Variants in ATF6 observed in about 807,000 individuals in gnomAD.
ATF6 encodes cyclic AMP-dependent transcription factor ATF-6 alpha.
ATF6 carries 53 observed loss-of-function variants against 83.6 expected under a neutral mutation model. The observed-to-expected ratio is 0.63, with a 90% CI of 0.51 to 0.80. The LOEUF is 0.80. Ranked by LOEUF, ATF6 falls within the 30% of genes least tolerant of loss-of-function variation. ATF6 has a pLI of 0.00. For missense variants in ATF6, 744 were observed against 797.9 expected (o/e 0.93, Z 0.81); for synonymous variants, 288 against 285.8 (o/e 1.01, Z -0.08).
intron 15 of ATF6, among the ~76,000 whole-genome samples, chr1:161,937,483 C>G (rs1481908354): frequency 6.6e-6 from 1 of 151,764 alleles, no homozygotes; most frequent in Non-Finnish European, 1.5e-5. Context: ...AATCTCTTCA[C>G]TAATGTAATG....
At position 161,808,467 on chromosome 1, in the gene ATF6, G is replaced by A. The variant is rs188045366; in HGVS notation, c.909+6195G>A. ...ATTGACCTATTTCATAGAAAAGGTA[G>A]CATACTGTACATGTCATCCTGCAAC... On this transcript the variant is annotated intron_variant, in intron 7 of 15. Transcript: ENST00000367942. Among the ~76,000 whole-genome samples the A allele has an allele frequency of 2.5e-3, 382 of 152,234 alleles. 1 individual carries two copies. The highest frequency in any genetic ancestry group is 9.0e-3 in the African/African-American group (375 of 41,538).
At chr1:161,821,456 C>G (rs1403479982) in intron 9 of ATF6, among the ~76,000 whole-genome samples, 2 of 152,002 alleles carry the variant, frequency 1.3e-5, no homozygotes, top group Non-Finnish European at 2.9e-5. Flanking sequence ...GATGGGTACT[C>G]GATACATTTT....
At position 161,947,869 on chromosome 1, in the gene ATF6, G is replaced by A. The variant is rs181939013; in HGVS notation, c.1805-10577G>A. Among the ~76,000 whole-genome samples the A allele has an allele frequency of 4.1e-3, 508 of 124,844 alleles. 3 individuals carry two copies. Among genetic ancestry groups the A allele is most frequent in the Middle Eastern group, 6.2e-3 (1 of 162 alleles). The allele number at this position is 124,844 out of a possible 152,430, so 81.9% of individuals were successfully genotyped here. A position where few individuals can be genotyped will look rare whatever the true frequency, so the allele number is the denominator to read the frequency against. On this transcript the variant is annotated intron_variant, in intron 15 of 15. Transcript: ENST00000367942. Reference sequence around the variant, plus strand: ...GATGGAGTGTTGCTCTTCTTGCCGAGGCTGGAGTGCAATGGCATGATCTCA... The same window carrying A: ...GATGGAGTGTTGCTCTTCTTGCCGAAGCTGGAGTGCAATGGCATGATCTCA...
At chr1:161,815,148 T>C (rs1325065874) in intron 7 of ATF6, among the ~76,000 whole-genome samples, 1 of 151,854 alleles carries the variant, frequency 6.6e-6, no homozygotes, top group Non-Finnish European at 1.5e-5. Flanking sequence ...ACATGAGATA[T>C]TCGAATGTAT....
chr1:161,794,050 G>T (rs1489881687), intron 6 of ATF6, among the ~76,000 whole-genome samples: 1 of 152,090 alleles, frequency 6.6e-6, no homozygotes, highest in Admixed American at 6.6e-5. Flanking sequence ...GGGACTACAG[G>T]CACGTGCCAC....
intron 14 of ATF6, among the ~76,000 whole-genome samples, chr1:161,879,996 T>A (rs920009082): frequency 6.6e-6 from 1 of 152,178 alleles, no homozygotes; most frequent in African/African-American, 2.4e-5. Context: ...ATCTTGGGTA[T>A]CTGCCCTTAT....
intron 15 of ATF6, among the ~76,000 whole-genome samples, chr1:161,956,011 T>G (rs1431893571): frequency 6.6e-6 from 1 of 152,172 alleles, no homozygotes; most frequent in East Asian, 1.9e-4. Context: ...AGCTTTACAT[T>G]TCCCTCAAAG....
chr1:161,830,373 C>T (rs1188666839), intron 9 of ATF6, among the ~76,000 whole-genome samples: 1 of 152,100 alleles, frequency 6.6e-6, no homozygotes, highest in Non-Finnish European at 1.5e-5. Flanking sequence ...CCATACTGCC[C>T]AAGGTAATTT....
At chr1:161,834,761 A>C (rs1260216668) in intron 9 of ATF6, among the ~76,000 whole-genome samples, 1 of 152,156 alleles carries the variant, frequency 6.6e-6, no homozygotes, top group Non-Finnish European at 1.5e-5. Flanking sequence ...TGTACCCTAA[A>C]ACCTAAAGTA....
At chr1:161,893,445 C>T (rs1319959655) in intron 14 of ATF6, among the ~76,000 whole-genome samples, 1 of 152,172 alleles carries the variant, frequency 6.6e-6, no homozygotes, top group African/African-American at 2.4e-5. Context: ...GGATTACAGG[C>T]GTGAGCCACT....
chr1:161,824,639 C>T (rs1196862917), intron 9 of ATF6, among the ~76,000 whole-genome samples: 3 of 152,134 alleles, frequency 2.0e-5, no homozygotes, highest in Non-Finnish European at 2.9e-5. Context: ...TCAATAAATA[C>T]TTGTAGTATG....
chr1:161,905,855 G>A (rs139982634), intron 14 of ATF6, among the ~76,000 whole-genome samples: 2,538 of 151,472 alleles, frequency 0.017, 35 homozygotes, highest in Non-Finnish European at 0.024. Flanking sequence ...TTTTTGAGAC[G>A]GAGTTTCGCC....
At chr1:161,776,483 A>G (rs1684517407) in intron 1 of ATF6, among the ~76,000 whole-genome samples, 1 of 152,140 alleles carries the variant, frequency 6.6e-6, no homozygotes, top group South Asian at 2.1e-4. Context: ...GAAGGTTGGG[A>G]AGGGAAGGAA....
intron 15 of ATF6, among the ~76,000 whole-genome samples, chr1:161,953,767 G>A (rs191209024): frequency 5.5e-4 from 84 of 152,228 alleles, no homozygotes; most frequent in African/African-American, 1.9e-3. Flanking sequence ...CTCACTCAGC[G>A]TTCTTCCCAC....
In ATF6 at chr1:161,896,925, A is replaced by G. The variant is rs143443987; in HGVS notation, c.1720-15371A>G. Among the ~76,000 whole-genome samples the G allele has an allele frequency of 2.6e-5, 4 of 152,308 alleles. No individual in the cohort carries two copies. In the East Asian group the frequency reaches 7.7e-4, roughly 29 times the overall value. ...AGGTCTAGAAGTCAAATCATCTTCC[A>G]TTTCAGGCTAGTGCACTTTTCACTG... On this transcript the variant is annotated intron_variant, in intron 14 of 15. Coordinates refer to ENST00000367942, the MANE Select transcript of ATF6 (RefSeq NM_007348.4).
At chr1:161,888,667 C>G (rs758175828) in intron 14 of ATF6, among the ~76,000 whole-genome samples, 1 of 152,156 alleles carries the variant, frequency 6.6e-6, no homozygotes, top group Non-Finnish European at 1.5e-5. Flanking sequence ...TCTCTTCAAC[C>G]TCATCACCAC....
At chr1:161,846,372 G>C in intron 9 of ATF6, 77 bp from the exon 10 acceptor site, 1 of 1,461,866 alleles carries the variant, frequency 6.8e-7, no homozygotes, top group Non-Finnish European at 9.2e-7. Context: ...ATTGTGGTTT[G>C]TTTCACAGCT....
At chr1:161,801,359 CTTTTTTTTTTT>C (rs1170991022) in intron 6 of ATF6, among the ~76,000 whole-genome samples, 1 of 95,288 alleles carries the variant, frequency 1.0e-5, no homozygotes, top group South Asian at 3.8e-4. Context: ...TATTTGTAGT[CTTTTTTTTTTT>C]TTTTTTTTTT....
At chr1:161,845,805 G>C (rs1323240139) in intron 9 of ATF6, among the ~76,000 whole-genome samples, 2 of 151,188 alleles carry the variant, frequency 1.3e-5, no homozygotes. Flanking sequence ...AGTTAAGTAG[G>C]CAGTATTTGC....
Sources: gnomAD v4.1 joint callset for allele counts (sites outside exome capture counted in the v4.1 genomes callset) on GRCh38, gnomAD v4.1.1 for gene constraint, MANE v1.5 for transcripts, NCBI Gene and HGNC (gene_info 2026-07-23, HGNC 2026-07-21) for gene names.